ADAMDEC1: variants seen among roughly 807,000 people sequenced by gnomAD.
ADAMDEC1 encodes the protein ADAM DEC1.
A neutral mutation model predicts 60.4 loss-of-function variants in ADAMDEC1; 62 were observed. The observed-to-expected ratio is 1.03, with a 90% CI of 0.84 to 1.27. ADAMDEC1 has a LOEUF of 1.27. Ranked by LOEUF, ADAMDEC1 falls within the 50% of genes most tolerant of loss-of-function variation. ADAMDEC1 has a pLI of 0.00. For synonymous variants in ADAMDEC1, 210 were observed against 195.1 expected (o/e 1.08, Z -0.64); for missense variants, 595 against 565.0 (o/e 1.05, Z -0.54).
chr8:24,405,186 G>T, intron 13 of ADAMDEC1, 106 bp from the exon 14 acceptor site: 1 of 1,147,330 alleles, frequency 8.7e-7, no homozygotes, highest in Non-Finnish European at 1.3e-6. Flanking sequence ...AATATGAATT[G>T]TTATTCACAT....
intron 2 of ADAMDEC1, among the ~76,000 whole-genome samples, chr8:24,392,683 T>C (rs1399494784): frequency 2.6e-5 from 4 of 152,164 alleles, no homozygotes; most frequent in Non-Finnish European, 5.9e-5. Flanking sequence ...GAGATGTTGT[T>C]CCTGGCAAGC....
intron 10 of ADAMDEC1, among the ~76,000 whole-genome samples, chr8:24,399,857 G>C (rs952058841): frequency 2.0e-5 from 3 of 152,134 alleles, no homozygotes; most frequent in Admixed American, 2.0e-4. Flanking sequence ...CAGTGTCATA[G>C]GTATCATAGC....
intron 4 of ADAMDEC1, 47 bp from the exon 5 acceptor site, chr8:24,395,673 C>T: frequency 1.3e-5 from 16 of 1,246,004 alleles, no homozygotes; most frequent in Non-Finnish European, 1.9e-5. Flanking sequence ...CTCACATACA[C>T]ACACACACAC....
At chr8:24,399,952 C>T (rs976692934) in intron 10 of ADAMDEC1, among the ~76,000 whole-genome samples, 5 of 152,078 alleles carry the variant, frequency 3.3e-5, no homozygotes, top group African/African-American at 1.2e-4. Context: ...TTACTGGTAA[C>T]TTAGTATCCA....
chr8:24,396,783 C>T (rs1032727568), intron 5 of ADAMDEC1, among the ~76,000 whole-genome samples: 19 of 152,070 alleles, frequency 1.2e-4, no homozygotes, highest in African/African-American at 2.4e-4. Flanking sequence ...ATGGATTCAC[C>T]TTCTATTTAT....
At chr8:24,390,989 T>G (rs912602066) in intron 1 of ADAMDEC1, among the ~76,000 whole-genome samples, 1 of 152,130 alleles carries the variant, frequency 6.6e-6, no homozygotes, top group Non-Finnish European at 1.5e-5. Flanking sequence ...TTAAAATTCA[T>G]TCTCATTCCA....
chr8:24,398,667 G>C (rs2129361131), intron 8 of ADAMDEC1, 116 bp downstream of exon 8: 1 of 979,108 alleles, frequency 1.0e-6, no homozygotes, highest in South Asian at 1.6e-5. Flanking sequence ...AAGTTAAATA[G>C]TTCAGGGAAA....
chr8:24,399,134 T>A, intron 9 of ADAMDEC1, 94 bp downstream of exon 9: 1 of 1,390,326 alleles, frequency 7.2e-7, no homozygotes, highest in Non-Finnish European at 9.7e-7. Context: ...ATTTCCCTGA[T>A]CAACTGTCAG....
chr8:24,399,523 A>C (rs1436030017), intron 10 of ADAMDEC1, 49 bp downstream of exon 10: 1 of 1,430,414 alleles, frequency 7.0e-7, no homozygotes, highest in African/African-American at 1.4e-5. Flanking sequence ...TCCTCTATGA[A>C]GGCCAGCATA....
intron 11 of ADAMDEC1, among the ~76,000 whole-genome samples, chr8:24,401,468 C>A (rs1817764206): frequency 6.6e-6 from 1 of 152,152 alleles, no homozygotes; most frequent in Admixed American, 6.6e-5. Context: ...ATAAAACATA[C>A]TTTGTTCTTG....
chr8:24,385,809 C>T (rs1402359154), intron 1 of ADAMDEC1, among the ~76,000 whole-genome samples: 1 of 152,098 alleles, frequency 6.6e-6, no homozygotes, highest in African/African-American at 2.4e-5. Flanking sequence ...AGATGTAATA[C>T]ATTATAATTG....
intron 2 of ADAMDEC1, among the ~76,000 whole-genome samples, chr8:24,392,899 T>TG (rs1817485540): frequency 1.4e-5 from 2 of 147,532 alleles, no homozygotes; most frequent in South Asian, 4.3e-4. Flanking sequence ...TTTTTTTTTT[T>TG]TTTTTTTTTT....
Position 24,398,943 on chromosome 8 carries a change from A to T in ADAMDEC1, c.832A>T (p.Lys278Ter), listed in dbSNP as rs367688142. 1.7e-5 allele frequency: 27 copies of T among 1,613,758 alleles called. No homozygotes were observed. Among genetic ancestry groups the T allele is most frequent in the Non-Finnish European group, 2.1e-5 (25 of 1,179,888 alleles). ...AATCTGGTCTGATGGGGATAAGATA[A>T]AGGTGGTGCCCAGCGCAAGCACCAC... Reference protein sequence around the residue: ...MEIWSDGDKIKVVPSASTTFD... With the variant: ...MEIWSDGDKI Residue 278 changes from lysine (K) to a stop codon, truncating the protein, a stop_gained, in exon 9 of 14, where the codon AAG (lysine) becomes TAG (stop). Coordinates refer to ENST00000256412, the MANE Select transcript of ADAMDEC1 (RefSeq NM_014479.3). LOFTEE classifies it high-confidence loss of function.
At chr8:24,388,663 G>A (rs1817358491) in intron 1 of ADAMDEC1, among the ~76,000 whole-genome samples, 2 of 152,086 alleles carry the variant, frequency 1.3e-5, no homozygotes, top group Admixed American at 6.6e-5. Context: ...GTTATTTGGT[G>A]ATTTATCTAA....
intron 3 of ADAMDEC1, 64 bp downstream of exon 3, chr8:24,393,402 T>A: frequency 1.7e-6 from 2 of 1,154,982 alleles, no homozygotes; most frequent in Non-Finnish European, 1.3e-6. Context: ...AGCAATCTTT[T>A]TGAGGCTCCA....
At chr8:24,387,878 A>C (rs1817334889) in intron 1 of ADAMDEC1, 1 of 152,230 alleles carries the variant, frequency 6.6e-6, no homozygotes, top group African/African-American at 2.4e-5. Flanking sequence ...CCATTCAGAC[A>C]CAGGTATGCA....
Position 24,384,450 on chromosome 8 carries a change from C to T in ADAMDEC1, c.-55C>T. On this transcript the variant is annotated 5_prime_UTR_variant, in exon 1 of 14. Transcript: ENST00000256412. ...TGGGGGTTTTAATTTTCTTGTTCAACTTCTAAAGAGAAATTGGAGAAGATA... is the reference window on the plus strand; with the variant it reads ...TGGGGGTTTTAATTTTCTTGTTCAATTTCTAAAGAGAAATTGGAGAAGATA... 7.1e-7 allele frequency: 1 copy of T among 1,414,098 alleles called. No individual in the cohort carries two copies. Among genetic ancestry groups the T allele is most frequent in the African/African-American group, 1.5e-5 (1 of 68,402 alleles). 87.6% of individuals were successfully genotyped at this position (1,414,098 alleles called of 1,614,324 possible).
At chr8:24,392,425 G>C in intron 2 of ADAMDEC1, 45 bp downstream of exon 2, 3 of 1,429,814 alleles carry the variant, frequency 2.1e-6, no homozygotes, top group Non-Finnish European at 2.9e-6. Context: ...ATCATCCAAA[G>C]AGACAATAAA....
chr8:24,403,068 G>A (rs1181707103), intron 12 of ADAMDEC1, among the ~76,000 whole-genome samples: 1 of 152,010 alleles, frequency 6.6e-6, no homozygotes, highest in Admixed American at 6.6e-5. Context: ...AGAAGAAAGG[G>A]GGAAAGGATG....
Sources: allele counts gnomAD v4.1 joint callset (sites outside exome capture counted in the v4.1 genomes callset), GRCh38; gene constraint gnomAD v4.1.1; transcripts MANE v1.5; gene names NCBI Gene and HGNC (gene_info 2026-07-23, HGNC 2026-07-21).